SPAG16: variants seen among roughly 807,000 people sequenced by gnomAD.
The protein encoded by SPAG16 is sperm-associated antigen 16 protein.
SPAG16 carries 86 observed loss-of-function variants against 80.4 expected under a neutral mutation model. The observed-to-expected ratio is 1.07, with a 90% CI of 0.90 to 1.28. The LOEUF is 1.28. Among genes scored for constraint, SPAG16 ranks in the 50% most tolerant of loss-of-function variants. The pLI is 0.00. For synonymous variants in SPAG16, 294 were observed against 265.9 expected, an observed-to-expected ratio of 1.11 and a Z score of -1.03; for missense variants, 870 against 765.3, an observed-to-expected ratio of 1.14 and a Z score of -1.61.
Position 214,135,856 on chromosome 2 carries a change from C to T in SPAG16, c.1594-13284C>T, listed in dbSNP as rs568268768. Among the ~76,000 whole-genome samples, 16 of 152,198 alleles carry T rather than the reference C, an allele frequency of 1.1e-4. 1 individual carries two copies. In the South Asian group the frequency reaches 2.5e-3, roughly 24 times the overall value. On this transcript the variant is annotated intron_variant, in intron 14 of 15. Transcript: ENST00000331683. The stretch of plus-strand genomic sequence containing the variant: ...AGCCCTCACCAGAAGCAGATACTGG[C>T]GCCATGCTTCTATAGTCTGCCGACT...
rs143397812 is a variant in SPAG16, at chr2:213,713,524, C to T, written c.1071-148961C>T. On this transcript the variant is annotated intron_variant, in intron 10 of 15. Transcript: ENST00000331683. Reference sequence around the variant, plus strand: ...ATTCTCTGAAGAAGTCACAAGTACCCTACAAAAGAAAAAACAAACAGATTT... The same window carrying T: ...ATTCTCTGAAGAAGTCACAAGTACCTTACAAAAGAAAAAACAAACAGATTT... Among the ~76,000 whole-genome samples, 19 of 152,196 alleles carry T rather than the reference C, an allele frequency of 1.2e-4. No individual in the cohort carries two copies. In the East Asian group the frequency reaches 3.1e-3, roughly 25 times the overall value.
intron 1 of SPAG16, among the ~76,000 whole-genome samples, chr2:213,289,657 T>G (rs942310288): frequency 6.6e-6 from 1 of 152,216 alleles, no homozygotes. Flanking sequence ...TTACAGTATT[T>G]TTATTTCAAC....
chr2:214,082,397 G>T (rs1431140587), intron 13 of SPAG16, among the ~76,000 whole-genome samples: 2 of 152,142 alleles, frequency 1.3e-5, no homozygotes, highest in African/African-American at 2.4e-5. Flanking sequence ...ACTGTCTCAT[G>T]ACTTTTGGGA....
intron 13 of SPAG16, among the ~76,000 whole-genome samples, chr2:214,054,515 A>G (rs775913224): frequency 6.6e-6 from 1 of 152,186 alleles, no homozygotes; most frequent in East Asian, 1.9e-4. Context: ...TGCAAAATTC[A>G]ATATATTTCT....
chr2:213,855,711 C>A (rs1285520745), intron 10 of SPAG16, among the ~76,000 whole-genome samples: 1 of 152,248 alleles, frequency 6.6e-6, no homozygotes, highest in East Asian at 1.9e-4. Flanking sequence ...GGAATGAGAG[C>A]AGAGTGGAGG....
At chr2:213,996,243 A>G (rs1293192767) in intron 12 of SPAG16, among the ~76,000 whole-genome samples, 2 of 152,246 alleles carry the variant, frequency 1.3e-5, no homozygotes, top group African/African-American at 2.4e-5. Context: ...AGGAATACTG[A>G]TAATGAAGGA....
chr2:213,933,175 GA>G (rs1188369407), intron 12 of SPAG16, among the ~76,000 whole-genome samples: 1 of 151,890 alleles, frequency 6.6e-6, no homozygotes, highest in African/African-American at 2.4e-5. Flanking sequence ...AAATGGGGTA[GA>G]AAAATCAGAA....
At chr2:213,416,094 A>G (rs114542126) in intron 9 of SPAG16, among the ~76,000 whole-genome samples, 2,748 of 152,354 alleles carry the variant, frequency 0.018, 73 homozygotes, top group African/African-American at 0.052. Flanking sequence ...GCAGGATGTC[A>G]CATACAGTGA....
intron 15 of SPAG16, among the ~76,000 whole-genome samples, chr2:214,301,527 C>T (rs1261455405): frequency 6.6e-6 from 1 of 152,072 alleles, no homozygotes; most frequent in Non-Finnish European, 1.5e-5. Context: ...AAAATCATTT[C>T]CTGGAATTTA....
At chr2:213,350,388 G>A in intron 6 of SPAG16, 140 bp from the exon 7 acceptor site, 2 of 485,134 alleles carry the variant, frequency 4.1e-6, no homozygotes, top group Non-Finnish European at 7.2e-6. Context: ...CTTCTTGGCT[G>A]TAGTGTGTTA....
chr2:213,682,764 G>A (rs2064461071), intron 10 of SPAG16, among the ~76,000 whole-genome samples: 1 of 152,140 alleles, frequency 6.6e-6, no homozygotes, highest in Admixed American at 6.6e-5. Context: ...TTTCTGGTCG[G>A]AGGTGTCACT....
chr2:213,790,939 A>G (rs1419912275), intron 10 of SPAG16, among the ~76,000 whole-genome samples: 2 of 152,072 alleles, frequency 1.3e-5, no homozygotes, highest in Non-Finnish European at 2.9e-5. Context: ...GCTTTAATCT[A>G]TTCTCTACTC....
intron 10 of SPAG16, among the ~76,000 whole-genome samples, chr2:213,691,586 T>G (rs2064945932): frequency 6.6e-6 from 1 of 152,170 alleles, no homozygotes; most frequent in Non-Finnish European, 1.5e-5. Flanking sequence ...TAATACAAGT[T>G]AATAATAAAT....
At chr2:214,303,326 G>T (rs1255265498) in intron 15 of SPAG16, among the ~76,000 whole-genome samples, 1 of 152,078 alleles carries the variant, frequency 6.6e-6, no homozygotes, top group African/African-American at 2.4e-5. Flanking sequence ...TAGTGTTGAT[G>T]AATTCCCTTA....
At chr2:213,330,940 G>A (rs2064073600) in intron 5 of SPAG16, among the ~76,000 whole-genome samples, 1 of 152,134 alleles carries the variant, frequency 6.6e-6, no homozygotes, top group African/African-American at 2.4e-5. Flanking sequence ...TGCCATCCAT[G>A]TAAGATGTGT....
chr2:213,369,536 C>T (rs191785244), intron 8 of SPAG16, among the ~76,000 whole-genome samples: 3 of 151,948 alleles, frequency 2.0e-5, no homozygotes, highest in Admixed American at 2.0e-4. Flanking sequence ...AATTTACCTA[C>T]AATAAAATGC....
At chr2:213,737,108 T>C (rs1236644954) in intron 10 of SPAG16, among the ~76,000 whole-genome samples, 1 of 152,212 alleles carries the variant, frequency 6.6e-6, no homozygotes, top group Non-Finnish European at 1.5e-5. Context: ...AAGATGATGG[T>C]TCTTGATTTA....
In SPAG16 at chr2:213,794,582, T is replaced by G. The variant is rs570014070; in HGVS notation, c.1071-67903T>G. Among the ~76,000 whole-genome samples the G allele has an allele frequency of 2.6e-4, 40 of 152,222 alleles. No individual in the cohort carries two copies. In the South Asian group the frequency reaches 7.7e-3, roughly 29 times the overall value. On this transcript the variant is annotated intron_variant, in intron 10 of 15. Transcript: ENST00000331683. ...AATACTTATCTCCAAAGGCAGATAT[T>G]GAGATGGGGACAAAAAATGTTGTTG...
At chr2:213,811,599 C>T (rs574226326) in intron 10 of SPAG16, among the ~76,000 whole-genome samples, 2 of 152,126 alleles carry the variant, frequency 1.3e-5, no homozygotes, top group Non-Finnish European at 2.9e-5. Flanking sequence ...TGCCAACCGA[C>T]AAGGCAATGA....
Sources: gnomAD v4.1 joint callset for allele counts (sites outside exome capture counted in the v4.1 genomes callset) on GRCh38, gnomAD v4.1.1 for gene constraint, MANE v1.5 for transcripts, NCBI Gene and HGNC (gene_info 2026-07-23, HGNC 2026-07-21) for gene names.